AOAH: variants seen among roughly 807,000 people sequenced by gnomAD.
AOAH encodes the protein acyloxyacyl hydrolase (neutrophil).
Under a neutral mutation model 92.2 loss-of-function variants are expected in AOAH, and 64 were observed. The observed-to-expected ratio is 0.69, with a 90% CI of 0.57 to 0.86. The LOEUF is 0.86. Ranked by LOEUF, AOAH falls within the 40% of genes least tolerant of loss-of-function variation. The pLI, the probability that AOAH is intolerant of heterozygous loss-of-function variation, is 0.00. For missense variants in AOAH, 656 were observed against 694.6 expected (o/e 0.94, Z 0.62); for synonymous variants, 263 against 254.5 (o/e 1.03, Z -0.32).
intron 4 of AOAH, among the ~76,000 whole-genome samples, chr7:36,639,317 A>T (rs1584006083): frequency 6.6e-6 from 1 of 152,270 alleles, no homozygotes; most frequent in Middle Eastern, 3.4e-3. Flanking sequence ...GGCTACTTTT[A>T]TCAGCAAAGA....
chr7:36,611,663 TTTCCTC>T (rs1489038165), intron 11 of AOAH, among the ~76,000 whole-genome samples: 1 of 152,128 alleles, frequency 6.6e-6, no homozygotes, highest in South Asian at 2.1e-4. Flanking sequence ...AAGACACTCC[TTTCCTC>T]AGCCTCTGAG....
intron 4 of AOAH, among the ~76,000 whole-genome samples, chr7:36,643,937 G>A (rs573857981): frequency 3.9e-4 from 59 of 152,254 alleles, no homozygotes; most frequent in Admixed American, 6.5e-4. Flanking sequence ...CCTGGTACCG[G>A]CCTGCAGAAT....
intron 20 of AOAH, among the ~76,000 whole-genome samples, chr7:36,515,249 C>T (rs1040352297): frequency 1.4e-5 from 2 of 138,980 alleles, no homozygotes; most frequent in African/African-American, 5.4e-5. Context: ...CAACCCCACA[C>T]CACACACACA....
Position 36,632,123 on chromosome 7 carries a change from A to G in AOAH, c.451-17T>C. The stretch of plus-strand genomic sequence containing the variant: ...AGAATATTTCTGGGGAGAAAAAAAA[A>G]AACAAAAAGAGAGTTGTTTAGTTTA... On this transcript the variant is annotated splice_polypyrimidine_tract_variant and intron_variant, in intron 5 of 20. Coordinates refer to ENST00000617537, the MANE Select transcript of AOAH (RefSeq NM_001637.4). 6.3e-7 allele frequency: 1 copy of G among 1,598,502 alleles called. No individual in the cohort carries two copies. Among genetic ancestry groups the G allele is most frequent in the Non-Finnish European group, 8.5e-7 (1 of 1,173,202 alleles).
In AOAH at chr7:36,549,422, T is replaced by A. The variant is rs747610695; in HGVS notation, c.1058+17A>T. The A allele has an allele frequency of 2.5e-6, 4 of 1,581,246 alleles. No homozygotes were observed. Among genetic ancestry groups the A allele is most frequent in the Non-Finnish European group, 3.5e-6 (4 of 1,155,544 alleles). Reference sequence around the variant, plus strand: ...ATGAGAAACCAAATTAAAAACAACTTCTTATCTTCTGCTTACCTTTCTATA... The same window carrying A: ...ATGAGAAACCAAATTAAAAACAACTACTTATCTTCTGCTTACCTTTCTATA... On this transcript the variant is annotated intron_variant, in intron 14 of 20. Coordinates refer to ENST00000617537, the MANE Select transcript of AOAH (RefSeq NM_001637.4).
At chr7:36,517,194 C>CTTTCT (rs1554360900) in intron 20 of AOAH, among the ~76,000 whole-genome samples, 3 of 69,204 alleles carry the variant, frequency 4.3e-5, no homozygotes, top group African/African-American at 1.5e-4. Context: ...TTCTTTCTTT[C>CTTTCT]TTTCTTTCTT....
chr7:36,656,494 C>T lies in AOAH; in HGVS notation c.390+2672G>A, dbSNP rs536846789. 3.1e-3 allele frequency among the ~76,000 whole-genome samples: 473 copies of T among 151,886 alleles called. 5 individuals carry two copies. Among genetic ancestry groups the T allele is most frequent in the African/African-American group, 0.011 (454 of 41,386 alleles). Reference sequence around the variant, plus strand: ...ATGTTAGGTCAGCTGAGAGAAAGGACGAGAGAGAGAGACCCAAGTTTAGGC... The same window carrying T: ...ATGTTAGGTCAGCTGAGAGAAAGGATGAGAGAGAGAGACCCAAGTTTAGGC... On this transcript the variant is annotated intron_variant, in intron 4 of 20. Coordinates refer to ENST00000617537, the MANE Select transcript of AOAH (RefSeq NM_001637.4).
chr7:36,690,282 A>G (rs1354891221), intron 1 of AOAH: 6 of 408,964 alleles, frequency 1.5e-5, no homozygotes, highest in Non-Finnish European at 2.9e-5. Flanking sequence ...TGCCCAGTGA[A>G]GAGTTATGAT....
intron 14 of AOAH, among the ~76,000 whole-genome samples, chr7:36,548,915 A>G (rs1228936804): frequency 1.3e-5 from 2 of 152,174 alleles, no homozygotes; most frequent in Non-Finnish European, 2.9e-5. Context: ...AAATGCATAA[A>G]ATTGAAAAGA....
chr7:36,524,787 G>A lies in AOAH; in HGVS notation c.1523-2672C>T, dbSNP rs187908179. On this transcript the variant is annotated intron_variant, in intron 19 of 20. Coordinates refer to ENST00000617537, the MANE Select transcript of AOAH (RefSeq NM_001637.4). ...AGGATATGATGAGAAGTTGGCAGTCGGCAACACGGAAGGGGACCCTCACCA... is the reference window on the plus strand; with the variant it reads ...AGGATATGATGAGAAGTTGGCAGTCAGCAACACGGAAGGGGACCCTCACCA... 5.5e-4 allele frequency among the ~76,000 whole-genome samples: 83 copies of A among 151,656 alleles called. 3 individuals carry two copies. Among genetic ancestry groups the A allele is most frequent in the African/African-American group, 1.8e-3 (75 of 41,324 alleles).
intron 5 of AOAH, among the ~76,000 whole-genome samples, chr7:36,635,035 A>G (rs1793425539): frequency 6.6e-6 from 1 of 152,134 alleles, no homozygotes; most frequent in Non-Finnish European, 1.5e-5. Flanking sequence ...ATTACATAGT[A>G]TGGGAAAGAC....
chr7:36,698,479 T>C (rs1460961583), intron 1 of AOAH, among the ~76,000 whole-genome samples: 1 of 152,132 alleles, frequency 6.6e-6, no homozygotes, highest in Non-Finnish European at 1.5e-5. Flanking sequence ...TCATTTTGGC[T>C]TTGGATTCTT....
chr7:36,632,118 A>T lies in AOAH; in HGVS notation c.451-12T>A. 1 of 1,599,282 alleles carries T rather than the reference A, an allele frequency of 6.3e-7. No individual in the cohort carries two copies. Among genetic ancestry groups the T allele is most frequent in the Non-Finnish European group, 8.5e-7 (1 of 1,173,670 alleles). On this transcript the variant is annotated splice_polypyrimidine_tract_variant and intron_variant, in intron 5 of 20. Coordinates refer to ENST00000617537, the MANE Select transcript of AOAH (RefSeq NM_001637.4). ...CTTCTAGAATATTTCTGGGGAGAAA[A>T]AAAAAAACAAAAAGAGAGTTGTTTA... is the stretch of plus-strand genomic sequence containing the variant.
chr7:36,592,649 C>T (rs550284562), intron 12 of AOAH, among the ~76,000 whole-genome samples: 3 of 152,326 alleles, frequency 2.0e-5, no homozygotes, highest in East Asian at 3.9e-4. Flanking sequence ...GGCTGGGCAA[C>T]CTTGGTCAAG....
chr7:36,629,398 A>G (rs1466949961), intron 6 of AOAH, among the ~76,000 whole-genome samples: 1 of 152,132 alleles, frequency 6.6e-6, no homozygotes, highest in Non-Finnish European at 1.5e-5. Flanking sequence ...AAAATACAAT[A>G]ATGCATTCAA....
intron 1 of AOAH, among the ~76,000 whole-genome samples, chr7:36,692,202 T>A (rs563061012): frequency 6.6e-6 from 1 of 152,212 alleles, no homozygotes; most frequent in African/African-American, 2.4e-5. Flanking sequence ...ACATGGTGCC[T>A]GGCATGGAGC....
chr7:36,530,565 T>C (rs1354409409), intron 18 of AOAH, 51 bp from the exon 19 acceptor site: 7 of 1,240,078 alleles, frequency 5.6e-6, no homozygotes, highest in Non-Finnish European at 8.3e-6. Context: ...ACTTTGGCTT[T>C]AGTGAGACAA....
At chr7:36,537,829 C>T (rs1365834143) in intron 16 of AOAH, among the ~76,000 whole-genome samples, 1 of 151,752 alleles carries the variant, frequency 6.6e-6, no homozygotes, top group Non-Finnish European at 1.5e-5. Context: ...AGCCTAGTTG[C>T]ACCCCTCTTC....
At chr7:36,576,446 A>T (rs1788504351) in intron 13 of AOAH, 128 bp downstream of exon 13, 1 of 594,868 alleles carries the variant, frequency 1.7e-6, no homozygotes, top group Middle Eastern at 2.8e-4. Flanking sequence ...GGGCAATGGC[A>T]TTGGAAGGGA....
Sources: gnomAD v4.1 joint callset for allele counts (sites outside exome capture counted in the v4.1 genomes callset) on GRCh38, gnomAD v4.1.1 for gene constraint, MANE v1.5 for transcripts, NCBI Gene and HGNC (gene_info 2026-07-23, HGNC 2026-07-21) for gene names.